The following CALN1 variants were observed in gnomAD, a reference collection of about 807,000 sequenced individuals.
The protein encoded by CALN1 is calcium-binding protein 8.
A neutral mutation model predicts 30.6 loss-of-function variants in CALN1; 17 were observed. The ratio of observed to expected loss-of-function variants is 0.56; its 90% CI spans 0.38 to 0.83. The LOEUF (loss-of-function observed/expected upper bound fraction) is 0.83. Among genes scored for constraint, CALN1 ranks in the 40% least tolerant of loss-of-function variants. The pLI is 0.00. For missense variants in CALN1, 291 were observed against 354.9 expected, an observed-to-expected ratio of 0.82 and a Z score of 1.45; for synonymous variants, 156 against 131.4, an observed-to-expected ratio of 1.19 and a Z score of -1.28.
chr7:71,923,884 G>A (rs1468501498), intron 5 of CALN1, among the ~76,000 whole-genome samples: 2 of 152,058 alleles, frequency 1.3e-5, no homozygotes, highest in East Asian at 1.9e-4. Context: ...GCAACCAGAA[G>A]TTTGCAGTCC....
intron 2 of CALN1, among the ~76,000 whole-genome samples, chr7:72,279,701 G>C (rs1797603381): frequency 6.6e-6 from 1 of 152,206 alleles, no homozygotes; most frequent in South Asian, 2.1e-4. Flanking sequence ...CGACAAGAAA[G>C]AGGAAAGGCA....
intron 5 of CALN1, among the ~76,000 whole-genome samples, chr7:71,893,827 T>G (rs1793388650): frequency 6.6e-6 from 1 of 152,110 alleles, no homozygotes; most frequent in South Asian, 2.1e-4. Context: ...CATTGCAAGA[T>G]TTGGGCCTCT....
intron 4 of CALN1, among the ~76,000 whole-genome samples, chr7:72,047,679 C>T (rs577245295): frequency 6.6e-6 from 1 of 152,280 alleles, no homozygotes; most frequent in East Asian, 1.9e-4. Context: ...TCAAAGCCTA[C>T]CTGGGACGCG....
intron 4 of CALN1, among the ~76,000 whole-genome samples, chr7:72,085,811 C>G (rs919292766): frequency 6.6e-6 from 1 of 152,018 alleles, no homozygotes; most frequent in African/African-American, 2.4e-5. Flanking sequence ...GTGGTACAGG[C>G]TGAGATGAAA....
chr7:72,180,257 G>C (rs919971454), intron 3 of CALN1, among the ~76,000 whole-genome samples: 1 of 152,190 alleles, frequency 6.6e-6, no homozygotes, highest in Non-Finnish European at 1.5e-5. Flanking sequence ...CTTCATATGG[G>C]ATGCTGTGAG....
At chr7:72,313,306 G>GA (rs1464203175) in intron 2 of CALN1, among the ~76,000 whole-genome samples, 1 of 151,678 alleles carries the variant, frequency 6.6e-6, no homozygotes, top group African/African-American at 2.4e-5. Context: ...GCATTATTGG[G>GA]AAAATCGAAA....
chr7:72,344,006 TAAAG>T (rs1297872615), intron 2 of CALN1, among the ~76,000 whole-genome samples: 1 of 152,120 alleles, frequency 6.6e-6, no homozygotes, highest in Non-Finnish European at 1.5e-5. Flanking sequence ...AGACTAAAGA[TAAAG>T]AAAGGTCTAT....
chr7:72,401,713 AAATGAGGAAACATTTTT>A (rs1354409459), intron 2 of CALN1, among the ~76,000 whole-genome samples: 1 of 152,224 alleles, frequency 6.6e-6, no homozygotes, highest in Non-Finnish European at 1.5e-5. Flanking sequence ...ATTCAGGAAC[AAATGAGGAAACATTTTT>A]AATGTAACAG....
chr7:72,397,011 A>G (rs1806008973), intron 2 of CALN1, among the ~76,000 whole-genome samples: 1 of 152,050 alleles, frequency 6.6e-6, no homozygotes, highest in Non-Finnish European at 1.5e-5. Context: ...CCTGGGCTCA[A>G]GCAATCCTCC....
chr7:72,138,891 C>G (rs527932898), intron 3 of CALN1, among the ~76,000 whole-genome samples: 1 of 140,290 alleles, frequency 7.1e-6, no homozygotes, highest in Admixed American at 7.2e-5. Context: ...GAGTAATGGG[C>G]CAGGACTGCC....
rs142191465 is a variant in CALN1 at position 72,034,515 on chromosome 7, G to A, written c.389-10746C>T. On this transcript the variant is annotated intron_variant, in intron 4 of 6. Transcript: ENST00000395275. ...ATTTGAAAGTCTCCAGGATGTGCCC[G>A]GGAACGGTGGCTCACCCCTGTAATC... 5.8e-4 allele frequency among the ~76,000 whole-genome samples: 87 copies of A among 150,882 alleles called. 2 individuals carry two copies. The East Asian group carries it at 0.014, about 24-fold the overall frequency.
the CALN1 span, among the ~76,000 whole-genome samples, chr7:72,454,203 C>A: frequency 6.6e-6 from 1 of 152,188 alleles, no homozygotes; most frequent in South Asian, 2.1e-4. Flanking sequence ...TCTGTGGGAT[C>A]TCTGCTCTGA....
chr7:72,151,492 C>A (rs1787245722), intron 3 of CALN1, among the ~76,000 whole-genome samples: 1 of 152,114 alleles, frequency 6.6e-6, no homozygotes, highest in South Asian at 2.1e-4. Flanking sequence ...GGTTGGGGCG[C>A]CAACATATTA....
chr7:71,880,612 G>T (rs1792506697), intron 5 of CALN1, among the ~76,000 whole-genome samples: 1 of 151,962 alleles, frequency 6.6e-6, no homozygotes, highest in Admixed American at 6.6e-5. Context: ...ATATACAACT[G>T]CTTACGAAAC....
In CALN1 at chr7:72,240,486, C is replaced by T. The variant is rs183116360; in HGVS notation, c.244+38200G>A. Reference sequence around the variant, plus strand: ...CTGGTGTTACAGGTATGAGCTGCTGCGACTGGGGGAGATTTGCTGAATAGC... The same window carrying T: ...CTGGTGTTACAGGTATGAGCTGCTGTGACTGGGGGAGATTTGCTGAATAGC... On this transcript the variant is annotated intron_variant, in intron 3 of 6. Transcript: ENST00000395275. Among the ~76,000 whole-genome samples the T allele has an allele frequency of 2.5e-3, 374 of 152,244 alleles. 3 individuals carry two copies. The highest frequency in any genetic ancestry group is 0.017 in the Middle Eastern group (5 of 294).
chr7:72,063,450 T>C (rs1202499634), intron 4 of CALN1, among the ~76,000 whole-genome samples: 1 of 152,180 alleles, frequency 6.6e-6, no homozygotes, highest in Non-Finnish European at 1.5e-5. Context: ...AGATGCAATA[T>C]ATAGCAGCCA....
chr7:72,470,159 G>A, the CALN1 span, among the ~76,000 whole-genome samples: 1 of 152,100 alleles, frequency 6.6e-6, no homozygotes, highest in Non-Finnish European at 1.5e-5. Flanking sequence ...CAACTATATC[G>A]TCTTGGGCAG....
intron 2 of CALN1, among the ~76,000 whole-genome samples, chr7:72,368,108 G>A (rs1039517279): frequency 2.0e-5 from 3 of 151,902 alleles, no homozygotes; most frequent in Non-Finnish European, 4.4e-5. Context: ...GCGACAAAGC[G>A]AAGACTCCGT....
intron 5 of CALN1, among the ~76,000 whole-genome samples, chr7:71,909,496 A>C (rs1002118329): frequency 1.3e-5 from 2 of 152,150 alleles, no homozygotes; most frequent in African/African-American, 4.8e-5. Context: ...ATGGATTCCA[A>C]TGGATTGGAA....
Sources: gnomAD v4.1 joint callset for allele counts (sites outside exome capture counted in the v4.1 genomes callset) on GRCh38, gnomAD v4.1.1 for gene constraint, MANE v1.5 for transcripts, NCBI Gene and HGNC (gene_info 2026-07-23, HGNC 2026-07-21) for gene names.